The following ITGA9 variants were observed in gnomAD, a reference collection of about 807,000 sequenced individuals.
The protein encoded by ITGA9 is integrin subunit alpha 9, also known as integrin alpha-9.
In ITGA9, 56 loss-of-function variants were observed where a neutral mutation model predicts 127.8. That is an observed-to-expected ratio of 0.44 (90% CI 0.35 to 0.55). The LOEUF is 0.55. Among genes scored for constraint, ITGA9 ranks in the 20% least tolerant of loss-of-function variants. The pLI is 0.00. For missense variants in ITGA9, 1,196 were observed against 1,347.1 expected, an observed-to-expected ratio of 0.89 and a Z score of 1.76; for synonymous variants, 508 against 514.5, an observed-to-expected ratio of 0.99 and a Z score of 0.17.
At chr3:37,673,012 G>T (rs1343074835) in intron 17 of ITGA9, among the ~76,000 whole-genome samples, 2 of 151,674 alleles carry the variant, frequency 1.3e-5, no homozygotes, top group Non-Finnish European at 2.9e-5. Flanking sequence ...AAATTTTAAT[G>T]ATTTTCACAG....
intron 15 of ITGA9, among the ~76,000 whole-genome samples, chr3:37,591,483 G>A (rs1305649519): frequency 6.6e-6 from 1 of 152,196 alleles, no homozygotes; most frequent in Non-Finnish European, 1.5e-5. Context: ...GAGTTGGGGA[G>A]CTGGGGAGCT....
chr3:37,793,883 T>G (rs1468544169), intron 26 of ITGA9, among the ~76,000 whole-genome samples: 2 of 152,176 alleles, frequency 1.3e-5, no homozygotes, highest in Non-Finnish European at 2.9e-5. Context: ...CAAGCCACTT[T>G]ACCCTCTAAA....
At chr3:37,603,634 A>G (rs1355710849) in intron 15 of ITGA9, among the ~76,000 whole-genome samples, 1 of 152,232 alleles carries the variant, frequency 6.6e-6, no homozygotes, top group Non-Finnish European at 1.5e-5. Context: ...TTTCCTTACC[A>G]AAAAGTAATC....
At chr3:37,649,442 A>G (rs962963948) in intron 16 of ITGA9, among the ~76,000 whole-genome samples, 1 of 152,224 alleles carries the variant, frequency 6.6e-6, no homozygotes, top group Non-Finnish European at 1.5e-5. Context: ...ACTTATATCA[A>G]CAAAATAGAC....
In ITGA9 at chr3:37,785,056, A is replaced by G. The variant is rs371349334; in HGVS notation, c.2867A>G (p.His956Arg). The change falls in exon 26 of 28, where the codon CAT becomes CGT. Residue 956 changes from histidine to arginine, a missense_variant. By Grantham distance (29) the His-to-Arg change is conservative. Transcript: ENST00000264741. ...GCCCTAAGGGTGGTGGAAATAGCTC[A>G]TGGGAACCCAGAAGAGGTGACGGTG... ...DPALRVVEIAHGNPEEVTVVF... is the reference protein window; with the variant it reads ...DPALRVVEIARGNPEEVTVVF... 4 of 1,610,656 alleles carry G rather than the reference A, an allele frequency of 2.5e-6. No homozygotes were observed. Among genetic ancestry groups the G allele is most frequent in the East Asian group, 2.2e-5 (1 of 44,874 alleles).
chr3:37,734,674 G>T (rs1047248498), intron 19 of ITGA9, among the ~76,000 whole-genome samples: 2 of 152,142 alleles, frequency 1.3e-5, no homozygotes, highest in Non-Finnish European at 2.9e-5. Flanking sequence ...TGTGTTTTTA[G>T]TAGAGACAGG....
At chr3:37,481,745 G>A (rs1224289785) in intron 4 of ITGA9, 138 bp downstream of exon 4, 10 of 1,226,900 alleles carry the variant, frequency 8.2e-6, no homozygotes, top group African/African-American at 1.5e-5. Context: ...TTTGCTCCCA[G>A]ATGGTCTCTT....
chr3:37,496,804 G>C (rs1361476161), intron 5 of ITGA9, among the ~76,000 whole-genome samples: 1 of 152,158 alleles, frequency 6.6e-6, no homozygotes, highest in African/African-American at 2.4e-5. Context: ...GACTCCCACT[G>C]GTGGCATTGC....
intron 26 of ITGA9, among the ~76,000 whole-genome samples, chr3:37,793,677 T>C (rs1209066469): frequency 2.0e-5 from 3 of 151,928 alleles, no homozygotes; most frequent in Admixed American, 2.0e-4. Flanking sequence ...AGGGAGATGC[T>C]CCTAATGAGA....
chr3:37,549,664 C>T (rs1281496684), intron 15 of ITGA9, among the ~76,000 whole-genome samples: 2 of 152,162 alleles, frequency 1.3e-5, no homozygotes, highest in Non-Finnish European at 2.9e-5. Context: ...ATAAAGATCC[C>T]TTCTGCCTCA....
chr3:37,556,610 A>G, intron 15 of ITGA9, among the ~76,000 whole-genome samples: 1 of 152,214 alleles, frequency 6.6e-6, no homozygotes, highest in East Asian at 1.9e-4. Context: ...TGTTCAATGC[A>G]GATCCTGATA....
intron 26 of ITGA9, among the ~76,000 whole-genome samples, chr3:37,793,611 G>C (rs1697139803): frequency 6.6e-6 from 1 of 152,066 alleles, no homozygotes; most frequent in Admixed American, 6.6e-5. Context: ...GGTGTCTTGG[G>C]CTGGATTCTC....
At chr3:37,790,043 C>G in intron 26 of ITGA9, 1 of 559,688 alleles carries the variant, frequency 1.8e-6, no homozygotes, top group Non-Finnish European at 3.4e-6. Context: ...ATTTTCTCAG[C>G]AGTCCATGTT....
At chr3:37,643,136 C>A (rs1489223667) in intron 16 of ITGA9, among the ~76,000 whole-genome samples, 1 of 152,156 alleles carries the variant, frequency 6.6e-6, no homozygotes, top group African/African-American at 2.4e-5. Context: ...CACTTGGAGT[C>A]AGGGCAGCAG....
At chr3:37,784,729 C>T (rs1234881379) in intron 25 of ITGA9, among the ~76,000 whole-genome samples, 2 of 152,244 alleles carry the variant, frequency 1.3e-5, no homozygotes, top group Non-Finnish European at 2.9e-5. Context: ...CAGCACACAT[C>T]TTGCGTGTGT....
intron 17 of ITGA9, among the ~76,000 whole-genome samples, chr3:37,655,741 T>C (rs1394255356): frequency 6.6e-6 from 1 of 152,254 alleles, no homozygotes; most frequent in African/African-American, 2.4e-5. Flanking sequence ...CCATTGCTTT[T>C]GGTGTTTTAG....
At chr3:37,537,373 T>C (rs1313416576) in intron 14 of ITGA9, among the ~76,000 whole-genome samples, 1 of 152,112 alleles carries the variant, frequency 6.6e-6, no homozygotes, top group Non-Finnish European at 1.5e-5. Context: ...CGATGCTCCA[T>C]ATTAGCAGAG....
chr3:37,568,182 G>A (rs1427831316), intron 15 of ITGA9, among the ~76,000 whole-genome samples: 1 of 152,246 alleles, frequency 6.6e-6, no homozygotes, highest in African/African-American at 2.4e-5. Context: ...TGTGCAAGCT[G>A]CCAAGGCTTG....
intron 8 of ITGA9, 122 bp from the exon 9 acceptor site, chr3:37,513,641 G>A: frequency 8.7e-7 from 1 of 1,155,498 alleles, no homozygotes; most frequent in Non-Finnish European, 1.3e-6. Flanking sequence ...CTGTGTCCAT[G>A]TGTTCTCATT....
Sources: allele counts gnomAD v4.1 joint callset (sites outside exome capture counted in the v4.1 genomes callset), GRCh38; gene constraint gnomAD v4.1.1; transcripts MANE v1.5; gene names NCBI Gene and HGNC (gene_info 2026-07-23, HGNC 2026-07-21).